The following ATAD1 variants were observed in gnomAD, a reference collection of about 807,000 sequenced individuals.
ATAD1 encodes ATPase family AAA domain containing 1.
A neutral mutation model predicts 42.7 loss-of-function variants in ATAD1; 18 were observed. The observed-to-expected ratio is 0.42, with a 90% confidence interval of 0.29 to 0.63. ATAD1 has a LOEUF of 0.63. ATAD1 is among the 20% of genes least tolerant of loss of function. The probability of loss-of-function intolerance (pLI) is 0.19; values close to 1 mark genes in which losing one functional copy is unlikely to be tolerated. For missense variants in ATAD1, 294 were observed against 440.4 expected (o/e 0.67, Z 2.98); for synonymous variants, 132 against 143.1 (o/e 0.92, Z 0.55).
In ATAD1 at chr10:87,775,146, C is replaced by T. The variant is rs187116438; in HGVS notation, c.690+1175G>A. On this transcript the variant is annotated intron_variant, in intron 6 of 9. Coordinates refer to ENST00000680024, the MANE Select transcript of ATAD1 (RefSeq NM_001321967.2). ...ATAGGAAATACTAAAGTTGGCTGGGCGCAGTGGTTCATGCCTATAATCCCA... is the reference window on the plus strand; with the variant it reads ...ATAGGAAATACTAAAGTTGGCTGGGTGCAGTGGTTCATGCCTATAATCCCA... Among the ~76,000 whole-genome samples, 16 of 151,596 alleles carry T rather than the reference C, an allele frequency of 1.1e-4. No individual in the cohort carries two copies. The South Asian group carries it at 2.3e-3, about 22-fold the overall frequency.
upstream of ATAD1, among the ~76,000 whole-genome samples, chr10:87,819,981 A>G (rs531028592): frequency 2.6e-5 from 4 of 151,452 alleles, no homozygotes; most frequent in South Asian, 2.1e-4. Context: ...CTACATTCCT[A>G]ATTTAAAAAA....
intron 4 of ATAD1, among the ~76,000 whole-genome samples, chr10:87,787,811 G>T (rs1316814045): frequency 2.6e-5 from 4 of 152,066 alleles, no homozygotes; most frequent in Non-Finnish European, 5.9e-5. Context: ...TAAAGTACTT[G>T]AGAAGAATAT....
intron 2 of ATAD1, among the ~76,000 whole-genome samples, chr10:87,799,891 A>T (rs1856600363): frequency 6.6e-6 from 1 of 151,936 alleles, no homozygotes; most frequent in African/African-American, 2.4e-5. Context: ...CCAGGAAGTA[A>T]GAGACATGTA....
At chr10:87,823,381 A>G (rs1857666871) in intron 1 of ATAD1, among the ~76,000 whole-genome samples, 1 of 152,182 alleles carries the variant, frequency 6.6e-6, no homozygotes, top group African/African-American at 2.4e-5. Flanking sequence ...GCTTTAATAC[A>G]GTACTGTTCA....
At chr10:87,795,727 A>G (rs1167374319) in intron 2 of ATAD1, among the ~76,000 whole-genome samples, 1 of 152,142 alleles carries the variant, frequency 6.6e-6, no homozygotes, top group Admixed American at 6.5e-5. Context: ...TATTAAACTA[A>G]TATTTTTGCC....
chr10:87,760,511 A>T (rs1162609928), intron 8 of ATAD1, among the ~76,000 whole-genome samples: 1 of 152,170 alleles, frequency 6.6e-6, no homozygotes, highest in African/African-American at 2.4e-5. Context: ...TCTTTTCTTC[A>T]TAAGTTATCC....
intron 2 of ATAD1, among the ~76,000 whole-genome samples, chr10:87,813,222 CT>C (rs1217828524): frequency 7.2e-5 from 11 of 152,030 alleles, no homozygotes; most frequent in Admixed American, 7.2e-4. Flanking sequence ...CACACCTCTG[CT>C]TTTTAAAATG....
intron 1 of ATAD1, among the ~76,000 whole-genome samples, chr10:87,831,904 TA>T (rs1477360719): frequency 2.0e-5 from 3 of 152,122 alleles, no homozygotes; most frequent in Non-Finnish European, 4.4e-5. Flanking sequence ...GTAAGTACTA[TA>T]ATTATTCTCA....
upstream of ATAD1, chr10:87,818,319 C>A (rs925621995): frequency 7.4e-5 from 70 of 944,098 alleles, no homozygotes; most frequent in Non-Finnish European, 8.8e-5. Context: ...AGGGGGCGTG[C>A]TCCCAGGCTT....
At chr10:87,818,099 G>T (rs945711975) in intron 1 of ATAD1, 68 bp downstream of exon 1, 9 of 985,438 alleles carry the variant, frequency 9.1e-6, no homozygotes, top group Non-Finnish European at 1.1e-5. Context: ...GGTCCGAGAC[G>T]GTCCTTAAAG....
chr10:87,776,612 G>A (rs896688114), intron 5 of ATAD1, among the ~76,000 whole-genome samples, 185 bp from the exon 6 acceptor site: 1 of 152,028 alleles, frequency 6.6e-6, no homozygotes, highest in Admixed American at 6.6e-5. Flanking sequence ...AGGACCACAG[G>A]TATGTGCCAC....
intron 2 of ATAD1, 89 bp downstream of exon 2, chr10:87,814,349 T>G (rs983415296): frequency 1.6e-6 from 2 of 1,252,980 alleles, no homozygotes; most frequent in African/African-American, 3.0e-5. Flanking sequence ...GAATTTCTCA[T>G]TAATTTGTGA....
At chr10:87,807,502 T>C (rs1263004884) in intron 2 of ATAD1, among the ~76,000 whole-genome samples, 3 of 152,230 alleles carry the variant, frequency 2.0e-5, no homozygotes, top group East Asian at 3.8e-4. Flanking sequence ...TGAAAAGGTA[T>C]ATCAATTTGA....
intron 3 of ATAD1, among the ~76,000 whole-genome samples, chr10:87,790,833 A>T (rs1856061354): frequency 6.6e-6 from 1 of 152,068 alleles, no homozygotes; most frequent in Admixed American, 6.6e-5. Flanking sequence ...AGCATCACAG[A>T]AATTAATTTT....
chr10:87,804,662 G>C lies in ATAD1; in HGVS notation c.162+9776C>G, dbSNP rs933091806. Among the ~76,000 whole-genome samples, 3 of 152,130 alleles carry C rather than the reference G, an allele frequency of 2.0e-5. No individual in the cohort carries two copies. The East Asian group carries it at 5.8e-4, about 29-fold the overall frequency. ...TGGGATTACAGGTATGAGCCACCAT[G>C]CCCAGCCTATGTAGTCTAATTAATA... On this transcript the variant is annotated intron_variant, in intron 2 of 9. Coordinates refer to ENST00000680024, the MANE Select transcript of ATAD1 (RefSeq NM_001321967.2).
At chr10:87,833,009 C>T (rs539831797) in intron 1 of ATAD1, 18 of 152,252 alleles carry the variant, frequency 1.2e-4, no homozygotes, top group African/African-American at 4.1e-4. Context: ...AGTGCCAACA[C>T]CCAAGCTGCA....
At chr10:87,839,369 A>T (rs1857988108) in intron 1 of ATAD1, among the ~76,000 whole-genome samples, 1 of 152,184 alleles carries the variant, frequency 6.6e-6, no homozygotes, top group African/African-American at 2.4e-5. Flanking sequence ...TATGGTTAGG[A>T]GCCAACAGTC....
chr10:87,770,324 C>T (rs868844455), intron 7 of ATAD1, among the ~76,000 whole-genome samples: 1 of 152,154 alleles, frequency 6.6e-6, no homozygotes, highest in Non-Finnish European at 1.5e-5. Context: ...AGTCTGAAGG[C>T]AGACAGAATT....
At position 87,778,817 on chromosome 10, in the gene ATAD1, A is replaced by G. The variant is rs758783236; in HGVS notation, c.584-2390T>C. ...ACAAATGGTGCTGGAGCAATTGGACATTCATCGGCAAAAAAACGGACCAAC... is the reference window on the plus strand; with the variant it reads ...ACAAATGGTGCTGGAGCAATTGGACGTTCATCGGCAAAAAAACGGACCAAC... On this transcript the variant is annotated intron_variant, in intron 5 of 9. Transcript: ENST00000680024. Among the ~76,000 whole-genome samples the G allele has an allele frequency of 4.7e-4, 71 of 152,302 alleles. 1 individual carries two copies. In the Middle Eastern group the frequency reaches 0.01, roughly 22 times the overall value.
Sources: gnomAD v4.1 joint callset for allele counts (sites outside exome capture counted in the v4.1 genomes callset) on GRCh38, gnomAD v4.1.1 for gene constraint, MANE v1.5 for transcripts, NCBI Gene and HGNC (gene_info 2026-07-23, HGNC 2026-07-21) for gene names.